Variants in LARGE1 observed in about 807,000 individuals in gnomAD.
LARGE1 encodes xylosyl- and glucuronyltransferase LARGE1.
LARGE1 carries 43 observed loss-of-function variants against 87.6 expected under a neutral mutation model. The observed-to-expected ratio is 0.49, with a 90% confidence interval of 0.38 to 0.63. The LOEUF is 0.63. Ranked by LOEUF, LARGE1 falls within the 30% of genes least tolerant of loss-of-function variation. The pLI is 0.00. For missense variants in LARGE1, 802 were observed against 1,000.2 expected, an observed-to-expected ratio of 0.80 and a Z score of 2.67; for synonymous variants, 434 against 394.6, an observed-to-expected ratio of 1.10 and a Z score of -1.18.
the LARGE1 span, among the ~76,000 whole-genome samples, chr22:33,079,749 A>G: frequency 6.6e-6 from 1 of 152,302 alleles, no homozygotes; most frequent in South Asian, 2.1e-4. Context: ...TCTGCTTAGA[A>G]GAACCTAGCA....
the LARGE1 span, among the ~76,000 whole-genome samples, chr22:33,146,721 A>G: frequency 1.3e-5 from 2 of 151,694 alleles, no homozygotes; most frequent in African/African-American, 4.9e-5. Flanking sequence ...GACTTTGGGG[A>G]AAAAAAATCT....
intron 6 of LARGE1, among the ~76,000 whole-genome samples, chr22:33,483,508 T>C (rs2069424019): frequency 6.6e-6 from 1 of 151,280 alleles, no homozygotes; most frequent in Non-Finnish European, 1.5e-5. Context: ...AGGACAGAGG[T>C]AAAAGAGCAA....
At chr22:33,166,972 T>C (rs900888641) in intron 11 of LARGE1, 2 of 398,340 alleles carry the variant, frequency 5.0e-6, no homozygotes, top group African/African-American at 4.2e-5. Flanking sequence ...AACTCCCCCT[T>C]CTCCAGTATA....
chr22:33,884,529 AG>A, intron 1 of LARGE1, among the ~76,000 whole-genome samples: 1 of 152,336 alleles, frequency 6.6e-6, no homozygotes, highest in Non-Finnish European at 1.5e-5. Context: ...GTTTGGCTGG[AG>A]TGTCACAACT....
At chr22:33,427,369 C>T (rs1569154196) in intron 7 of LARGE1, among the ~76,000 whole-genome samples, 1 of 152,036 alleles carries the variant, frequency 6.6e-6, no homozygotes, top group Non-Finnish European at 1.5e-5. Context: ...GGGAACAGCT[C>T]TAGTAAAAAG....
chr22:33,909,704 A>G (rs1040935704), intron 1 of LARGE1, among the ~76,000 whole-genome samples: 1 of 151,536 alleles, frequency 6.6e-6, no homozygotes, highest in African/African-American at 2.4e-5. Context: ...ACGCCCAGCT[A>G]ATTTTTTGTA....
chr22:33,653,047 T>C (rs1283639728), intron 2 of LARGE1, among the ~76,000 whole-genome samples: 3 of 152,218 alleles, frequency 2.0e-5, no homozygotes, highest in Middle Eastern at 3.2e-3. Context: ...TCTCCCTGTT[T>C]GGTACAACTG....
intron 11 of LARGE1, among the ~76,000 whole-genome samples, chr22:33,216,322 T>C (rs1925199465): frequency 6.6e-6 from 1 of 151,972 alleles, no homozygotes; most frequent in Non-Finnish European, 1.5e-5. Context: ...CCCACTCTCT[T>C]GAGTGGATTA....
chr22:33,746,793 G>A (rs1005213351), intron 2 of LARGE1, among the ~76,000 whole-genome samples: 5 of 152,302 alleles, frequency 3.3e-5, no homozygotes, highest in South Asian at 4.2e-4. Context: ...CTCCATCAGC[G>A]ATGTTGTTAC....
At chr22:33,525,463 C>T (rs1018618072) in intron 6 of LARGE1, among the ~76,000 whole-genome samples, 9 of 152,128 alleles carry the variant, frequency 5.9e-5, no homozygotes, top group African/African-American at 2.2e-4. Flanking sequence ...TCAAATAAAG[C>T]CTGTCTTCTG....
At chr22:33,766,121 G>C (rs548996056) in intron 1 of LARGE1, among the ~76,000 whole-genome samples, 19 of 152,296 alleles carry the variant, frequency 1.2e-4, no homozygotes, top group African/African-American at 4.6e-4. Context: ...GGAAGAAACA[G>C]GAGGTGGGCT....
intron 1 of LARGE1, among the ~76,000 whole-genome samples, chr22:33,847,271 T>G (rs1378931872): frequency 6.6e-6 from 1 of 152,244 alleles, no homozygotes; most frequent in African/African-American, 2.4e-5. Flanking sequence ...TTCTCTTTTG[T>G]GATGCTGGCA....
intron 1 of LARGE1, among the ~76,000 whole-genome samples, chr22:33,799,652 C>T (rs1368226635): frequency 5.3e-5 from 8 of 152,076 alleles, no homozygotes; most frequent in Non-Finnish European, 1.0e-4. Flanking sequence ...AGGCTGGTCT[C>T]GAACTTCCAA....
At chr22:33,782,632 C>G (rs1018615068) in intron 1 of LARGE1, among the ~76,000 whole-genome samples, 1 of 151,830 alleles carries the variant, frequency 6.6e-6, no homozygotes, top group Non-Finnish European at 1.5e-5. Context: ...TTTGGGAGGC[C>G]GAGGCGGGCG....
chr22:33,094,024 T>A, the LARGE1 span, among the ~76,000 whole-genome samples: 1 of 151,912 alleles, frequency 6.6e-6, no homozygotes, highest in Non-Finnish European at 1.5e-5. Flanking sequence ...AGTGCTGGGA[T>A]TATAGGTGTG....
At chr22:33,277,692 G>C (rs1401866097) in intron 13 of LARGE1, among the ~76,000 whole-genome samples, 1 of 152,202 alleles carries the variant, frequency 6.6e-6, no homozygotes, top group African/African-American at 2.4e-5. Context: ...CTGACAGCTT[G>C]ATCTTGGACT....
intron 1 of LARGE1, among the ~76,000 whole-genome samples, chr22:33,832,823 G>C (rs373310081): frequency 2.6e-5 from 4 of 151,982 alleles, no homozygotes; most frequent in Non-Finnish European, 5.9e-5. Flanking sequence ...ACTCTGGACT[G>C]AGGCCCAGGA....
rs541718641 is a variant in LARGE1, at chr22:33,499,997, C to T, written c.787+64851G>A. Among the ~76,000 whole-genome samples the T allele has an allele frequency of 4.6e-5, 7 of 152,300 alleles. No homozygotes were observed. The East Asian group carries it at 1.4e-3, about 29-fold the overall frequency. On this transcript the variant is annotated intron_variant, in intron 6 of 14. Coordinates refer to ENST00000397394, the MANE Select transcript of LARGE1 (RefSeq NM_133642.5). ...CCACATTGGTCAGGCTGGTCTCGAA[C>T]TCCTGACCTCAGGTGATCTGCCTGC...
chr22:33,820,943 C>CACCCT (rs1223189989), intron 1 of LARGE1, among the ~76,000 whole-genome samples: 3 of 152,156 alleles, frequency 2.0e-5, no homozygotes, highest in East Asian at 3.9e-4. Flanking sequence ...GGGTAGCTGA[C>CACCCT]ACCCTGCACC....
Sources: gnomAD v4.1 joint callset for allele counts (sites outside exome capture counted in the v4.1 genomes callset) on GRCh38, gnomAD v4.1.1 for gene constraint, MANE v1.5 for transcripts, NCBI Gene and HGNC (gene_info 2026-07-23, HGNC 2026-07-21) for gene names.